ATM: variants seen among roughly 807,000 people sequenced by gnomAD.
ATM encodes the protein ATM serine/threonine kinase, also known as serine-protein kinase ATM.
ATM carries 308 observed loss-of-function variants against 387.0 expected under a neutral mutation model. The ratio of observed to expected loss-of-function variants is 0.80; its 90% confidence interval spans 0.73 to 0.87. The LOEUF (loss-of-function observed/expected upper bound fraction) is 0.87. ATM is among the 40% of genes least tolerant of loss of function. The pLI is 0.00. For missense variants in ATM, 3,312 were observed against 3,560.9 expected (o/e 0.93, Z 1.78); for synonymous variants, 1,156 against 1,187.3 (o/e 0.97, Z 0.54).
chr11:108,252,084 T>C, intron 11 of ATM, 53 bp downstream of exon 11: 1 of 1,507,052 alleles, frequency 6.6e-7, no homozygotes, highest in South Asian at 1.2e-5. Context: ...TTTATCAGGC[T>C]CTCTCCACTT....
At chr11:108,306,331 T>C (rs2083687960) in intron 37 of ATM, among the ~76,000 whole-genome samples, 1 of 152,156 alleles carries the variant, frequency 6.6e-6, no homozygotes, top group Non-Finnish European at 1.5e-5. Context: ...AATCCTAAAA[T>C]AAAAATTCTC....
At chr11:108,268,759 C>G (rs1269463351) in intron 18 of ATM, 150 bp downstream of exon 18, 3 of 867,292 alleles carry the variant, frequency 3.5e-6, no homozygotes, top group African/African-American at 3.3e-5. Flanking sequence ...GAAAATAACA[C>G]TTTTAACGTG....
chr11:108,292,504 G>C, intron 29 of ATM, 115 bp from the exon 30 acceptor site: 1 of 1,240,236 alleles, frequency 8.1e-7, no homozygotes, highest in South Asian at 1.3e-5. Context: ...AAATATTTAT[G>C]TCAAGGCATA....
intron 9 of ATM, among the ~76,000 whole-genome samples, chr11:108,250,001 A>G (rs1207656395): frequency 6.6e-6 from 1 of 152,140 alleles, no homozygotes; most frequent in Non-Finnish European, 1.5e-5. Context: ...GAGAATACAC[A>G]GCAAATGTTT....
chr11:108,303,225 G>A (rs2083518825), intron 36 of ATM, among the ~76,000 whole-genome samples, 196 bp downstream of exon 36: 1 of 152,122 alleles, frequency 6.6e-6, no homozygotes, highest in South Asian at 2.1e-4. Flanking sequence ...TACTAGAGGA[G>A]TTCTAAGGGG....
rs786203902 is a variant in ATM, at chr11:108,304,767, T to C, written c.5589T>C (p.Ser1863=). The C allele has an allele frequency of 4.3e-6, 7 of 1,614,084 alleles. No homozygotes were observed. Among genetic ancestry groups the C allele is most frequent in the Middle Eastern group, 1.6e-4 (1 of 6,062 alleles). The change falls in exon 37 of 63, where the codon TCT becomes TCC. Residue 1863 remains serine, a synonymous_variant. Coordinates refer to ENST00000675843, the MANE Select transcript of ATM (RefSeq NM_000051.4). ...DTNESWRNLL[S]THVQGFFTSC... is the part of the protein sequence containing the mutation. The stretch of plus-strand genomic sequence containing the variant: ...ATGAATCATGGAGAAATCTGCTTTC[T>C]ACACATGTTCAGGGATTTTTCACCA...
At position 108,327,713 on chromosome 11, in the gene ATM, G is replaced by A. The variant is rs140104789; in HGVS notation, c.7044G>A (p.Thr2348=). Reference sequence around the variant, plus strand: ...TTTGTGGCAACTGGTTAGCAGAAACGTGCTTAGAAAATCCTGCGGTCATCA... The same window carrying A: ...TTTGTGGCAACTGGTTAGCAGAAACATGCTTAGAAAATCCTGCGGTCATCA... ...LRVCGNWLAE[T]CLENPAVIMQ... is the part of the protein sequence containing the mutation. The change falls in exon 48 of 63, where the codon ACG becomes ACA. Residue 2348 remains threonine, a synonymous_variant. Coordinates refer to ENST00000675843, the MANE Select transcript of ATM (RefSeq NM_000051.4). The A allele has an allele frequency of 5.3e-5, 85 of 1,613,852 alleles. No individual in the cohort carries two copies. In the African/African-American group the frequency reaches 8.3e-4, roughly 16 times the overall value.
Position 108,366,416 on chromosome 11 carries a change from G to A in ATM, c.*908G>A, listed in dbSNP as rs377571813. The A allele has an allele frequency of 3.7e-5, 8 of 218,248 alleles. No individual in the cohort carries two copies. The highest frequency in any genetic ancestry group is 1.6e-4 in the African/African-American group (7 of 44,574). The allele number at this position is 218,248 out of a possible 1,614,324, so 13.5% of individuals were successfully genotyped here. On this transcript the variant is annotated 3_prime_UTR_variant, in exon 63 of 63. Transcript: ENST00000675843. The stretch of plus-strand genomic sequence containing the variant: ...TTAATGTTTTTTTAATGTTTTTTAT[G>A]TCACTAATTATTTTAAATGTCTGTA...
At chr11:108,348,967 G>C (rs559081362) in intron 59 of ATM, among the ~76,000 whole-genome samples, 1 of 152,104 alleles carries the variant, frequency 6.6e-6, no homozygotes, top group Admixed American at 6.5e-5. Flanking sequence ...AGAAAAAGAA[G>C]TGTGAATGTA....
chr11:108,346,947 T>C (rs1415110130), intron 58 of ATM, among the ~76,000 whole-genome samples: 1 of 152,206 alleles, frequency 6.6e-6, no homozygotes, highest in South Asian at 2.1e-4. Flanking sequence ...TGAGTACATA[T>C]AATGCACAGC....
chr11:108,309,761 T>C (rs2083986740), intron 38 of ATM, among the ~76,000 whole-genome samples: 2 of 152,178 alleles, frequency 1.3e-5, no homozygotes, highest in Admixed American at 6.5e-5. Context: ...TGAAACAATA[T>C]TTTTTATTAA....
At position 108,244,100 on chromosome 11, in the gene ATM, A is replaced by T. The variant is rs755074633; in HGVS notation, c.644A>T (p.Lys215Met). The change falls in exon 6 of 63, where the codon AAG becomes ATG. Residue 215 changes from lysine (K) to methionine (M), a missense_variant. Around this residue, in one of 4 missense-constraint regions of ATM, gnomAD observed 1,791 missense variants for 1,804.5 expected, o/e 0.99. Transcript: ENST00000675843. ...TCCAAATTTTTGGACTTTTTTTCCA[A>T]GGCTATTCAGTGTGCGAGGTAATCT... ...LNSKFLDFFS[K>M]AIQCARQEKS... 1.2e-6 allele frequency: 2 copies of T among 1,613,870 alleles called. No individual in the cohort carries two copies. The highest frequency in any genetic ancestry group is 2.2e-5 in the South Asian group (2 of 91,084).
In ATM at chr11:108,307,919, CTG is replaced by C; in HGVS notation, c.5699_5700del (p.Cys1900PhefsTer3). The C allele has an allele frequency of 6.2e-7, 1 of 1,613,746 alleles. No individual in the cohort carries two copies. The highest frequency in any genetic ancestry group is 1.3e-5 in the African/African-American group (1 of 75,022). On this transcript the variant is annotated frameshift_variant, in exon 38 of 63. Transcript: ENST00000675843. LOFTEE classifies it high-confidence loss of function. ...DSESEHFFRC[C>X]LDKKSQRTML... ...CAGAGTCAGAGCACTTTTTCCGATG[CTG>C]TTTGGATAAAAAATCACAAAGAACA...
At chr11:108,281,572 T>G (rs1445696371) in intron 24 of ATM, among the ~76,000 whole-genome samples, 1 of 152,246 alleles carries the variant, frequency 6.6e-6, no homozygotes, top group Non-Finnish European at 1.5e-5. Flanking sequence ...ATCAGGCTTT[T>G]AAGTTCAGTT....
At chr11:108,245,471 C>T (rs189830648) in intron 7 of ATM, among the ~76,000 whole-genome samples, 12 of 152,258 alleles carry the variant, frequency 7.9e-5, no homozygotes, top group Admixed American at 7.8e-4. Context: ...ATACATATTA[C>T]TTTAATAGGA....
Position 108,365,616 on chromosome 11 carries a change from T to C in ATM, c.*108T>C. 1 of 1,347,806 alleles carries C rather than the reference T, an allele frequency of 7.4e-7. No individual in the cohort carries two copies. The highest frequency in any genetic ancestry group is 1.0e-6 in the Non-Finnish European group (1 of 987,600). 83.5% of individuals were successfully genotyped at this position (1,347,806 alleles called of 1,614,324 possible). ...AGTAGGGATTAATATTTAAGTGAAC[T>C]ATTGTGGGTTTTTTTGAATGTTGGT... On this transcript the variant is annotated 3_prime_UTR_variant, in exon 63 of 63. Transcript: ENST00000675843.
chr11:108,322,480 A>G (rs914343212), intron 45 of ATM, among the ~76,000 whole-genome samples: 4 of 152,272 alleles, frequency 2.6e-5, no homozygotes, highest in South Asian at 2.1e-4. Context: ...CTGGTGACTG[A>G]TAATTATGTT....
At chr11:108,274,259 C>G (rs1431364137) in intron 22 of ATM, among the ~76,000 whole-genome samples, 4 of 152,022 alleles carry the variant, frequency 2.6e-5, no homozygotes, top group African/African-American at 4.8e-5. Context: ...ATTCTTCTCT[C>G]TTTATTAGTC....
At chr11:108,310,447 G>T in intron 39 of ATM, 132 bp downstream of exon 39, 1 of 843,278 alleles carries the variant, frequency 1.2e-6, no homozygotes, top group Non-Finnish European at 1.8e-6. Flanking sequence ...TTGTTTTAAA[G>T]TGAAATTATA....
Sources: allele counts gnomAD v4.1 joint callset (sites outside exome capture counted in the v4.1 genomes callset), GRCh38; gene constraint gnomAD v4.1.1; regional missense constraint gnomAD v4.1.1; transcripts MANE v1.5; gene names NCBI Gene and HGNC (gene_info 2026-07-23, HGNC 2026-07-21).